The following MED13L variants were observed in gnomAD, a reference collection of about 807,000 sequenced individuals.
MED13L encodes the protein mediator of RNA polymerase II transcription subunit 13-like.
A neutral mutation model predicts 220.9 loss-of-function variants in MED13L; 7 were observed. That is an observed-to-expected ratio of 0.03 (90% CI 0.02 to 0.06). MED13L has a LOEUF of 0.06. Ranked by LOEUF, MED13L falls within the 10% of genes least tolerant of loss-of-function variation. MED13L has a pLI of 1.00. For synonymous variants in MED13L, 1,011 were observed against 1,015.2 expected (o/e 1.00, Z 0.08); for missense variants, 1,965 against 2,760.5 (o/e 0.71, Z 6.46).
At position 116,183,808 on chromosome 12, in the gene MED13L, G is replaced by GTGTGTGTGTA. The variant is rs1880694277; in HGVS notation, c.310+53659_310+53660insTACACACACA. Among the ~76,000 whole-genome samples the GTGTGTGTGTA allele has an allele frequency of 4.1e-5, 4 of 97,438 alleles. No homozygotes were observed. In the South Asian group the frequency reaches 1.3e-3, roughly 31 times the overall value. 63.9% of individuals were successfully genotyped at this position (97,438 alleles called of 152,430 possible). ...AATTCTTGTGTAGAAAAAATGGTGT[G>GTGTGTGTGTA]TGTGTGTGTGTATGTGTGTGTGTGT... is the stretch of plus-strand genomic sequence containing the variant. On this transcript the variant is annotated intron_variant, in intron 2 of 30. Transcript: ENST00000281928.
chr12:116,119,830 A>ATAT (rs1458614783), intron 2 of MED13L, among the ~76,000 whole-genome samples: 2 of 119,492 alleles, frequency 1.7e-5, no homozygotes, highest in East Asian at 4.9e-4. Flanking sequence ...AAAAAAAAAA[A>ATAT]AAAAAAAAAT....
intron 4 of MED13L, among the ~76,000 whole-genome samples, chr12:116,064,663 G>C (rs1869775802): frequency 1.3e-5 from 2 of 152,164 alleles, no homozygotes; most frequent in African/African-American, 4.8e-5. Flanking sequence ...TTTGGTGAAG[G>C]CAAACAAGGA....
intron 4 of MED13L, among the ~76,000 whole-genome samples, chr12:116,068,162 G>A (rs1870093718): frequency 6.6e-6 from 1 of 152,108 alleles, no homozygotes; most frequent in African/African-American, 2.4e-5. Context: ...AGGGTACAGG[G>A]GTTCTTCGTG....
At chr12:116,141,884 T>A (rs1376874347) in intron 2 of MED13L, among the ~76,000 whole-genome samples, 3 of 152,050 alleles carry the variant, frequency 2.0e-5, no homozygotes, top group Non-Finnish European at 4.4e-5. Context: ...GTCTTTAGCA[T>A]CCTTCATAAA....
At chr12:116,088,066 A>G (rs957926021) in intron 4 of MED13L, among the ~76,000 whole-genome samples, 21 of 152,160 alleles carry the variant, frequency 1.4e-4, no homozygotes, top group African/African-American at 5.1e-4. Context: ...ATGCAGGAAG[A>G]TCCTGGGGGA....
At chr12:115,963,577 G>T in intron 29 of MED13L, 58 bp from the exon 30 acceptor site, 1 of 1,294,056 alleles carries the variant, frequency 7.7e-7, no homozygotes, top group Non-Finnish European at 1.1e-6. Context: ...GTGCAGAAGT[G>T]AGGGAGGCCA....
rs893369878 is a variant in MED13L at position 115,963,612 on chromosome 12, A to T, written c.6388-93T>A. On this transcript the variant is annotated intron_variant, in intron 29 of 30. Transcript: ENST00000281928. ...ATGTCTGCCAGAAGCAGATGCTCCCAAAAGTCCGTAGAAGTCAGGGTTTCT... is the reference window on the plus strand; with the variant it reads ...ATGTCTGCCAGAAGCAGATGCTCCCTAAAGTCCGTAGAAGTCAGGGTTTCT... 1.1e-5 allele frequency: 10 copies of T among 917,566 alleles called. No homozygotes were observed. In the Admixed American group the frequency reaches 1.6e-4, roughly 15 times the overall value. The allele number at this position is 917,566 out of a possible 1,614,324, so 56.8% of individuals were successfully genotyped here.
intron 2 of MED13L, among the ~76,000 whole-genome samples, chr12:116,121,373 G>T (rs954939519): frequency 3.9e-5 from 6 of 152,012 alleles, no homozygotes. Context: ...CATAGAAAAG[G>T]TTCAGGGAGA....
intron 2 of MED13L, among the ~76,000 whole-genome samples, chr12:116,216,601 C>CA (rs1883013504): frequency 6.6e-6 from 1 of 152,110 alleles, no homozygotes; most frequent in Non-Finnish European, 1.5e-5. Context: ...GACGGCTGCT[C>CA]ACAGAGAACA....
chr12:115,959,547 T>C lies in MED13L; in HGVS notation c.*1719A>G, dbSNP rs914131700. ...TATGCTCTTCAAAAGGCCTTGAGAATTTTCCTTTCTGATTAAGAAAAAATA... is the reference window on the plus strand; with the variant it reads ...TATGCTCTTCAAAAGGCCTTGAGAACTTTCCTTTCTGATTAAGAAAAAATA... On this transcript the variant is annotated 3_prime_UTR_variant, in exon 31 of 31. Transcript: ENST00000281928. 5.9e-5 allele frequency: 9 copies of C among 152,618 alleles called. No homozygotes were observed. Among genetic ancestry groups the C allele is most frequent in the African/African-American group, 2.2e-4 (9 of 41,458 alleles). 9.5% of individuals were successfully genotyped at this position (152,618 alleles called of 1,614,324 possible). A position where few individuals can be genotyped will look rare whatever the true frequency, so the allele number is the denominator to read the frequency against.
chr12:116,166,254 TG>T (rs1005603639), intron 2 of MED13L, among the ~76,000 whole-genome samples: 6 of 152,052 alleles, frequency 3.9e-5, no homozygotes, highest in Admixed American at 3.9e-4. Flanking sequence ...GTATTAATCC[TG>T]GGTGTGTCTG....
At chr12:116,259,501 A>G (rs564715731) in intron 1 of MED13L, among the ~76,000 whole-genome samples, 2 of 152,368 alleles carry the variant, frequency 1.3e-5, no homozygotes, top group East Asian at 3.9e-4. Context: ...AGAATGATAC[A>G]CATGAAATTG....
At chr12:115,992,104 T>TAAA in intron 16 of MED13L, 147 bp from the exon 17 acceptor site, 3 of 627,192 alleles carry the variant, frequency 4.8e-6, no homozygotes, top group South Asian at 1.8e-5. Flanking sequence ...AATTTTCTCT[T>TAAA]AAAAAAAAAA....
chr12:115,970,753 A>G lies in MED13L; in HGVS notation c.5908T>C (p.Ser1970Pro). ...AGTGCAGTACTTCGGCCAAAAACAG[A>G]GCCCATTGTGACAGCATCTTTAAAG... ...VVMPDAVTMGSVFGRSTALNM... is the reference protein window; with the variant it reads ...VVMPDAVTMGPVFGRSTALNM... The change falls in exon 27 of 31, where the codon TCT becomes CCT. Residue 1970 changes from serine (S) to proline (P), a missense_variant. Around this residue, in one of 10 missense-constraint regions of MED13L, gnomAD observed 145 missense variants for 328.3 expected, o/e 0.44. Transcript: ENST00000281928. 1 of 1,614,004 alleles carries G rather than the reference A, an allele frequency of 6.2e-7. No individual in the cohort carries two copies. Among genetic ancestry groups the G allele is most frequent in the Non-Finnish European group, 8.5e-7 (1 of 1,179,922 alleles).
chr12:116,216,966 G>C lies in MED13L; in HGVS notation c.310+20502C>G, dbSNP rs561000286. Among the ~76,000 whole-genome samples, 43 of 152,286 alleles carry C rather than the reference G, an allele frequency of 2.8e-4. No homozygotes were observed. The South Asian group carries it at 8.3e-3, about 29-fold the overall frequency. Reference sequence around the variant, plus strand: ...GACAGAAAACTTAAAGCAAAAATCTGTTGTCCTCAAGGAAGAAAAAATTTT... The same window carrying C: ...GACAGAAAACTTAAAGCAAAAATCTCTTGTCCTCAAGGAAGAAAAAATTTT... On this transcript the variant is annotated intron_variant, in intron 2 of 30. Coordinates refer to ENST00000281928, the MANE Select transcript of MED13L (RefSeq NM_015335.5).
chr12:116,182,951 G>A (rs552584222), intron 2 of MED13L, among the ~76,000 whole-genome samples: 2 of 152,224 alleles, frequency 1.3e-5, no homozygotes, highest in South Asian at 4.2e-4. Flanking sequence ...TACTTGAGGT[G>A]AAAGACTGTT....
At chr12:116,205,584 T>C (rs1223814228) in intron 2 of MED13L, among the ~76,000 whole-genome samples, 2 of 150,856 alleles carry the variant, frequency 1.3e-5, no homozygotes, top group Non-Finnish European at 2.9e-5. Flanking sequence ...TAAGTCCTTT[T>C]CCTCCCTACT....
At chr12:116,235,289 G>T (rs948071309) in intron 2 of MED13L, among the ~76,000 whole-genome samples, 1 of 152,056 alleles carries the variant, frequency 6.6e-6, no homozygotes, top group Non-Finnish European at 1.5e-5. Flanking sequence ...CGCACTCAAT[G>T]AAATTATAAT....
chr12:115,996,413 C>T (rs1878407773), intron 16 of MED13L, 63 bp downstream of exon 16: 18 of 1,550,934 alleles, frequency 1.2e-5, no homozygotes, highest in Non-Finnish European at 1.5e-5. Context: ...TTTTAACAAA[C>T]ATTTAGTTAA....
Sources: allele counts gnomAD v4.1 joint callset (sites outside exome capture counted in the v4.1 genomes callset), GRCh38; gene constraint gnomAD v4.1.1; regional missense constraint gnomAD v4.1.1; transcripts MANE v1.5; gene names NCBI Gene and HGNC (gene_info 2026-07-23, HGNC 2026-07-21).